Variants in NKAIN3 observed in about 807,000 individuals in gnomAD.
NKAIN3 encodes sodium/potassium transporting ATPase interacting 3, also known as sodium/potassium-transporting ATPase subunit beta-1-interacting protein 3.
NKAIN3 carries 25 observed loss-of-function variants against 30.2 expected under a neutral mutation model. That is an observed-to-expected ratio of 0.83 (90% CI 0.60 to 1.16). The LOEUF is 1.16. Among genes scored for constraint, NKAIN3 ranks in the 50% most tolerant of loss-of-function variants. The probability of loss-of-function intolerance (pLI) is 0.00; values close to 1 mark genes in which losing one functional copy is unlikely to be tolerated. For synonymous variants in NKAIN3, 91 were observed against 89.6 expected, an observed-to-expected ratio of 1.02 and a Z score of -0.09; for missense variants, 225 against 254.1, an observed-to-expected ratio of 0.89 and a Z score of 0.78.
intron 4 of NKAIN3, among the ~76,000 whole-genome samples, chr8:62,803,146 C>T (rs1200143008): frequency 2.6e-5 from 4 of 152,162 alleles, no homozygotes; most frequent in Non-Finnish European, 4.4e-5. Flanking sequence ...GAGACTTAGA[C>T]TCCCACACAA....
chr8:62,289,958 A>G (rs1813529872), intron 1 of NKAIN3, among the ~76,000 whole-genome samples: 1 of 152,124 alleles, frequency 6.6e-6, no homozygotes, highest in Non-Finnish European at 1.5e-5. Context: ...GGTCCTTCAC[A>G]TCCCTTGTAA....
At chr8:62,335,138 T>G (rs1437026215) in intron 1 of NKAIN3, among the ~76,000 whole-genome samples, 1 of 152,002 alleles carries the variant, frequency 6.6e-6, no homozygotes, top group Non-Finnish European at 1.5e-5. Flanking sequence ...CTCCCATCTT[T>G]GAAAATCTCA....
At chr8:62,406,682 A>T (rs894337850) in intron 1 of NKAIN3, among the ~76,000 whole-genome samples, 1 of 152,176 alleles carries the variant, frequency 6.6e-6, no homozygotes, top group African/African-American at 2.4e-5. Context: ...ACCTCAAAAT[A>T]TATTTTAATG....
Position 62,508,968 on chromosome 8 carries a change from C to T in NKAIN3, c.55-70571C>T, listed in dbSNP as rs896090858. 7.3e-5 allele frequency among the ~76,000 whole-genome samples: 11 copies of T among 150,334 alleles called. 1 individual carries two copies. The highest frequency in any genetic ancestry group is 1.2e-4 in the African/African-American group (5 of 40,520). On this transcript the variant is annotated intron_variant, in intron 1 of 6. Coordinates refer to ENST00000623646, the MANE Select transcript of NKAIN3 (RefSeq NM_001304533.3). ...TTTTGGGAATCCAGTGACTTCTCTA[C>T]GTAGTCATCTATGGTTTCCCCAGTA... is the stretch of plus-strand genomic sequence containing the variant.
intron 5 of NKAIN3, among the ~76,000 whole-genome samples, chr8:62,991,842 TG>T (rs1824326325): frequency 6.6e-6 from 1 of 152,162 alleles, no homozygotes; most frequent in Non-Finnish European, 1.5e-5. Context: ...AGGGACAAAG[TG>T]TCCTGGTGAA....
intron 4 of NKAIN3, among the ~76,000 whole-genome samples, chr8:62,830,612 A>T (rs1387973823): frequency 6.6e-6 from 1 of 152,208 alleles, no homozygotes; most frequent in African/African-American, 2.4e-5. Context: ...AATTAAGCAT[A>T]AAACTTCCAC....
intron 1 of NKAIN3, among the ~76,000 whole-genome samples, chr8:62,434,217 T>C (rs1415977335): frequency 6.6e-6 from 1 of 152,174 alleles, no homozygotes; most frequent in Non-Finnish European, 1.5e-5. Flanking sequence ...CATGAAGTTG[T>C]CCTTCGGGAG....
chr8:62,707,880 T>G (rs1306979266), intron 3 of NKAIN3, among the ~76,000 whole-genome samples: 1 of 152,204 alleles, frequency 6.6e-6, no homozygotes, highest in East Asian at 1.9e-4. Flanking sequence ...AAGTCCCTAA[T>G]CCAGCTTGAG....
At chr8:62,766,367 T>C (rs906307420) in intron 4 of NKAIN3, among the ~76,000 whole-genome samples, 1 of 152,206 alleles carries the variant, frequency 6.6e-6, no homozygotes, top group African/African-American at 2.4e-5. Flanking sequence ...ACCAAGCAAG[T>C]GGCAGAACTG....
intron 3 of NKAIN3, among the ~76,000 whole-genome samples, chr8:62,676,305 A>T (rs62509530): frequency 0.41 from 62,594 of 152,160 alleles, 15,340 homozygotes; most frequent in Non-Finnish European, 0.55. Flanking sequence ...GCAGTGGCTC[A>T]TGCCTGTAAT....
intron 3 of NKAIN3, among the ~76,000 whole-genome samples, chr8:62,635,383 T>C (rs1261527207): frequency 6.6e-6 from 1 of 152,120 alleles, no homozygotes; most frequent in East Asian, 1.9e-4. Context: ...AGGTAACAAT[T>C]GCAAAGTCAA....
intron 1 of NKAIN3, among the ~76,000 whole-genome samples, chr8:62,394,560 C>T (rs1422246430): frequency 2.9e-5 from 2 of 68,088 alleles, no homozygotes; most frequent in Non-Finnish European, 8.5e-5. Flanking sequence ...CACAAGGCTG[C>T]CACTTCACAC....
At chr8:62,880,834 G>A (rs1820954068) in intron 4 of NKAIN3, among the ~76,000 whole-genome samples, 2 of 152,116 alleles carry the variant, frequency 1.3e-5, no homozygotes, top group African/African-American at 2.4e-5. Flanking sequence ...AAGCATACAC[G>A]TGCTGAAACT....
chr8:62,834,379 T>G (rs540099407), intron 4 of NKAIN3, among the ~76,000 whole-genome samples: 1 of 152,022 alleles, frequency 6.6e-6, no homozygotes. Context: ...AAAGAAGAAT[T>G]CAAACTACTT....
At chr8:62,805,616 T>G (rs1221483855) in intron 4 of NKAIN3, among the ~76,000 whole-genome samples, 1 of 152,212 alleles carries the variant, frequency 6.6e-6, no homozygotes, top group African/African-American at 2.4e-5. Flanking sequence ...AAGCTGAAAC[T>G]GGATCCCTTC....
chr8:62,302,129 A>T (rs926719375), intron 1 of NKAIN3, among the ~76,000 whole-genome samples: 37 of 152,092 alleles, frequency 2.4e-4, no homozygotes, highest in Non-Finnish European at 4.7e-4. Context: ...CAGAATTCTC[A>T]AATGAAGCTA....
intron 3 of NKAIN3, among the ~76,000 whole-genome samples, chr8:62,704,312 C>T (rs1489917510): frequency 6.6e-6 from 1 of 151,774 alleles, no homozygotes; most frequent in Non-Finnish European, 1.5e-5. Flanking sequence ...CTAAATTTTC[C>T]CTTTTTATAG....
intron 1 of NKAIN3, among the ~76,000 whole-genome samples, chr8:62,251,190 G>GAT (rs1401471798): frequency 6.6e-6 from 1 of 152,128 alleles, no homozygotes; most frequent in Non-Finnish European, 1.5e-5. Context: ...TGAGGAAGTT[G>GAT]ATATTCATAA....
At chr8:62,438,856 C>A (rs192643305) in intron 1 of NKAIN3, among the ~76,000 whole-genome samples, 1 of 152,282 alleles carries the variant, frequency 6.6e-6, no homozygotes, top group East Asian at 1.9e-4. Flanking sequence ...AGCCACTGAG[C>A]CTGGCCAGGA....
Sources: gnomAD v4.1 joint callset for allele counts (sites outside exome capture counted in the v4.1 genomes callset) on GRCh38, gnomAD v4.1.1 for gene constraint, MANE v1.5 for transcripts, NCBI Gene and HGNC (gene_info 2026-07-23, HGNC 2026-07-21) for gene names.